RDH11: variants seen among roughly 807,000 people sequenced by gnomAD.
RDH11 encodes the protein retinol dehydrogenase 11.
In RDH11, 19 loss-of-function variants were observed where a neutral mutation model predicts 33.4. The ratio of observed to expected loss-of-function variants is 0.57; its 90% confidence interval spans 0.40 to 0.83. The LOEUF (loss-of-function observed/expected upper bound fraction) is 0.83. RDH11 is among the 40% of genes least tolerant of loss of function. RDH11 has a pLI of 0.00. For synonymous variants in RDH11, 154 were observed against 155.3 expected, an observed-to-expected ratio of 0.99 and a Z score of 0.06; for missense variants, 353 against 389.0, an observed-to-expected ratio of 0.91 and a Z score of 0.78.
At chr14:67,679,144 A>G (rs950512873) in intron 6 of RDH11, among the ~76,000 whole-genome samples, 34 of 152,340 alleles carry the variant, frequency 2.2e-4, no homozygotes, top group Non-Finnish European at 5.9e-5. Context: ...GGAAGGCATG[A>G]CATGGGCAAG....
At chr14:67,691,497 A>G (rs1403521238) in intron 3 of RDH11, 1 of 355,864 alleles carries the variant, frequency 2.8e-6, no homozygotes, top group Non-Finnish European at 5.1e-6. Flanking sequence ...GGAGCTACTT[A>G]CTCACTGCTT....
chr14:67,691,292 T>C (rs2037747716), intron 3 of RDH11, 48 bp from the exon 4 acceptor site: 17 of 1,344,444 alleles, frequency 1.3e-5, no homozygotes, highest in Non-Finnish European at 1.8e-5. Flanking sequence ...CCAAGGCTAT[T>C]ACATCTTAGA....
In RDH11 at chr14:67,678,414, A is replaced by G. The variant is rs745724977; in HGVS notation, c.864T>C (p.His288=). The G allele has an allele frequency of 2.5e-6, 4 of 1,612,286 alleles. No homozygotes were observed. Among genetic ancestry groups the G allele is most frequent in the East Asian group, 4.5e-5 (2 of 44,880 alleles). The change falls in exon 7 of 7, where the codon CAT becomes CAC. Residue 288 remains histidine (H), a synonymous_variant. Transcript: ENST00000381346. ...GAGCTTGGGCAGAGACCCATGCCAC[A>G]TGACAGTCACTGGAAGGTAAAGAGA... The part of the protein sequence containing the change: ...ILSGNHFSDC[H]VAWVSAQARN...
chr14:67,692,888 G>A (rs774941425), intron 2 of RDH11, 46 bp downstream of exon 2: 4 of 1,252,540 alleles, frequency 3.2e-6, no homozygotes, highest in Non-Finnish European at 3.5e-6. Context: ...TACTGTGAGG[G>A]GTAAAACAGC....
In RDH11 at chr14:67,676,987, T is replaced by C. The variant is rs2037547601; in HGVS notation, c.*1334A>G. ...CGTAAAATGACCATTTCTAAACATA[T>C]AGCTTAATGGTCAAAACAAGTGCAA... On this transcript the variant is annotated 3_prime_UTR_variant, in exon 7 of 7. Transcript: ENST00000381346. 1.3e-5 allele frequency: 2 copies of C among 152,206 alleles called. No homozygotes were observed. The highest frequency in any genetic ancestry group is 1.9e-4 in the East Asian group (1 of 5,204). 9.4% of individuals were successfully genotyped at this position (152,206 alleles called of 1,614,324 possible).
chr14:67,693,517 GAA>G (rs74415536), intron 1 of RDH11, among the ~76,000 whole-genome samples: 1 of 145,862 alleles, frequency 6.9e-6, no homozygotes. Flanking sequence ...AAATAAACAA[GAA>G]AAAAAAAACA....
At chr14:67,690,063 T>C (rs1053450535) in intron 5 of RDH11, 149 bp downstream of exon 5, 21 of 653,042 alleles carry the variant, frequency 3.2e-5, no homozygotes, top group African/African-American at 2.9e-4. Flanking sequence ...CAATATTCAG[T>C]TGTAGACTAC....
chr14:67,685,187 A>T lies in RDH11; in HGVS notation c.682T>A (p.Tyr228Asn). 1 of 1,612,858 alleles carries T rather than the reference A, an allele frequency of 6.2e-7. No individual in the cohort carries two copies. The part of the protein sequence containing the change: ...RRLKGSGVTT[Y>N]SVHPGTVQSE... ...TGGACTGTGCCAGGGTGTACAGAATACGTCGTAACGCCAGAGCCTGGTTGG... is the reference window on the plus strand; with the variant it reads ...TGGACTGTGCCAGGGTGTACAGAATTCGTCGTAACGCCAGAGCCTGGTTGG... Residue 228 changes from tyrosine to asparagine, a missense_variant, in exon 6 of 7, where the codon TAT becomes AAT. Coordinates refer to ENST00000381346, the MANE Select transcript of RDH11 (RefSeq NM_016026.4).
intron 1 of RDH11, among the ~76,000 whole-genome samples, chr14:67,693,463 C>T (rs900589037): frequency 2.0e-5 from 3 of 150,948 alleles, no homozygotes; most frequent in African/African-American, 7.3e-5. Context: ...ATGGCTAATC[C>T]AATACAAAAA....
chr14:67,687,662 G>T lies in RDH11; in HGVS notation c.665-2458C>A, dbSNP rs150192864. On this transcript the variant is annotated intron_variant, in intron 5 of 6. Coordinates refer to ENST00000381346, the MANE Select transcript of RDH11 (RefSeq NM_016026.4). Reference sequence around the variant, plus strand: ...AATTTTGTATTTTTAGTAGAGATGGGGTTTCTCCATGTTGGTCAGGCTGGT... The same window carrying T: ...AATTTTGTATTTTTAGTAGAGATGGTGTTTCTCCATGTTGGTCAGGCTGGT... Among the ~76,000 whole-genome samples the T allele has an allele frequency of 2.2e-3, 328 of 151,684 alleles. 1 individual carries two copies. Among genetic ancestry groups the T allele is most frequent in the African/African-American group, 7.6e-3 (315 of 41,342 alleles).
rs1417269359 is a variant in RDH11, at chr14:67,677,918, G to T, written c.*403C>A. ...CATGTTAAGCTGAGGTTGCAGTGTGGCCCTCTTGAAGTGAAGACTGGTTGG... is the reference window on the plus strand; with the variant it reads ...CATGTTAAGCTGAGGTTGCAGTGTGTCCCTCTTGAAGTGAAGACTGGTTGG... On this transcript the variant is annotated 3_prime_UTR_variant, in exon 7 of 7. Transcript: ENST00000381346. The T allele has an allele frequency of 6.4e-6, 1 of 157,128 alleles. No individual in the cohort carries two copies. The highest frequency in any genetic ancestry group is 1.4e-5 in the Non-Finnish European group (1 of 71,266). The allele number at this position is 157,128 out of a possible 1,614,324, so 9.7% of individuals were successfully genotyped here. A position where few individuals can be genotyped will look rare whatever the true frequency, so the allele number is the denominator to read the frequency against.
At chr14:67,679,824 T>TA (rs2037592354) in intron 6 of RDH11, among the ~76,000 whole-genome samples, 1 of 152,264 alleles carries the variant, frequency 6.6e-6, no homozygotes, top group Non-Finnish European at 1.5e-5. Context: ...AGTCAAAGTT[T>TA]TAAAAAAAAT....
At chr14:67,683,677 G>C (rs2037642130) in intron 6 of RDH11, among the ~76,000 whole-genome samples, 1 of 152,200 alleles carries the variant, frequency 6.6e-6, no homozygotes, top group Non-Finnish European at 1.5e-5. Context: ...TGGATGATAA[G>C]CAATACAACC....
At position 67,690,853 on chromosome 14, in the gene RDH11, G is replaced by C. The variant is rs547946868; in HGVS notation, c.454+287C>G. 3.1e-5 allele frequency: 13 copies of C among 415,028 alleles called. No homozygotes were observed. In the East Asian group the frequency reaches 5.4e-4, roughly 17 times the overall value. The allele number at this position is 415,028 out of a possible 1,614,324, so 25.7% of individuals were successfully genotyped here. On this transcript the variant is annotated intron_variant, in intron 4 of 6. Transcript: ENST00000381346. ...AGCAGATGACCTATACCTGATGCTG[G>C]CCACAAGGATCACTACTAAGAAAGC...
chr14:67,683,577 A>G (rs952725473), intron 6 of RDH11, among the ~76,000 whole-genome samples: 3 of 152,178 alleles, frequency 2.0e-5, no homozygotes, highest in Admixed American at 2.0e-4. Context: ...GTTTGAAGAG[A>G]GCATTAATAA....
At chr14:67,692,772 C>G in intron 2 of RDH11, 162 bp downstream of exon 2, 1 of 859,214 alleles carries the variant, frequency 1.2e-6, no homozygotes. Context: ...ATTAAGGGTC[C>G]ATTATATGTA....
At chr14:67,690,849 G>T in intron 4 of RDH11, 1 of 412,102 alleles carries the variant, frequency 2.4e-6, no homozygotes, top group East Asian at 4.6e-5. Flanking sequence ...TATACCTGAT[G>T]CTGGCCACAA....
chr14:67,692,645 A>C, intron 2 of RDH11, 52 bp from the exon 3 acceptor site: 1 of 1,506,912 alleles, frequency 6.6e-7, no homozygotes, highest in Non-Finnish European at 8.9e-7. Flanking sequence ...TTGAGCTGGC[A>C]TTATAAATCT....
chr14:67,693,770 G>T (rs1042671717), intron 1 of RDH11, among the ~76,000 whole-genome samples: 5 of 151,196 alleles, frequency 3.3e-5, no homozygotes, highest in Admixed American at 3.3e-4. Flanking sequence ...AGGTTCAAGC[G>T]ATTCTCATCC....
Sources: allele counts gnomAD v4.1 joint callset (sites outside exome capture counted in the v4.1 genomes callset), GRCh38; gene constraint gnomAD v4.1.1; transcripts MANE v1.5; gene names NCBI Gene and HGNC (gene_info 2026-07-23, HGNC 2026-07-21).